The following FFAR1 variants were observed in gnomAD, a reference collection of about 807,000 sequenced individuals.
The protein encoded by FFAR1 is free fatty acid receptor 1.
For synonymous variants in FFAR1, 216 were observed against 201.5 expected (o/e 1.07, Z -0.61); for missense variants, 424 against 396.2 (o/e 1.07, Z -0.60).
upstream of FFAR1, chr19:35,351,488 C>G: frequency 6.7e-7 from 1 of 1,499,584 alleles, no homozygotes; most frequent in Non-Finnish European, 9.0e-7. Flanking sequence ...CTCCGGGGCC[C>G]CAAGATCTGA....
At chr19:35,349,058 C>G (rs545115656), upstream of FFAR1, among the ~76,000 whole-genome samples, 2 of 152,180 alleles carry the variant, frequency 1.3e-5, no homozygotes, top group East Asian at 3.8e-4. Context: ...GGACTCCAGA[C>G]GCAGGCCGCC....
At chr19:35,349,111 A>G (rs1568494855), upstream of FFAR1, among the ~76,000 whole-genome samples, 1 of 152,190 alleles carries the variant, frequency 6.6e-6, no homozygotes, top group Non-Finnish European at 1.5e-5. Context: ...GGTCCAGACA[A>G]TGGATCGTGC....
upstream of FFAR1, among the ~76,000 whole-genome samples, chr19:35,350,157 GTGCT>G (rs1214080062): frequency 6.6e-6 from 1 of 152,184 alleles, no homozygotes; most frequent in African/African-American, 2.4e-5. Context: ...GGGCCCTCCA[GTGCT>G]GGTCAGCAGA....
upstream of FFAR1, chr19:35,351,482 G>C: frequency 6.9e-7 from 1 of 1,452,306 alleles, no homozygotes; most frequent in Admixed American, 2.0e-5. Context: ...CCTCCTCTCC[G>C]GGGCCCCAAG....
rs780834782 is a variant in FFAR1, at chr19:35,351,696, G to C, written c.145G>C (p.Gly49Arg). Residue 49 changes from glycine (G) to arginine (R), a missense_variant, in exon 1 of 1, where the codon GGC (glycine) becomes CGC (arginine). Physicochemically the swap from Gly to Arg is moderately radical, Grantham distance 125 (BLOSUM62 -2). Transcript: ENST00000246553. ...TAGCCTGGTCTACGCCCTGAACCTGGGCTGCTCCGACCTGCTGCTGACAGT... is the reference window on the plus strand; with the variant it reads ...TAGCCTGGTCTACGCCCTGAACCTGCGCTGCTCCGACCTGCTGCTGACAGT... The C allele has an allele frequency of 9.0e-6, 14 of 1,563,912 alleles. No individual in the cohort carries two copies. The South Asian group carries it at 1.6e-4, about 18-fold the overall frequency.
chr19:35,348,089 A>G (rs563914680), upstream of FFAR1, among the ~76,000 whole-genome samples: 1 of 152,264 alleles, frequency 6.6e-6, no homozygotes, highest in African/African-American at 2.4e-5. Context: ...TAATTATCTG[A>G]TCATCAGGGA....
At chr19:35,350,563 G>A (rs1418738415), upstream of FFAR1, among the ~76,000 whole-genome samples, 1 of 152,138 alleles carries the variant, frequency 6.6e-6, no homozygotes, top group East Asian at 1.9e-4. Flanking sequence ...CTCTTGAGAG[G>A]CACTGGCTAC....
chr19:35,351,566 G>A (rs776224934), exon 1 of FFAR1: 37 of 1,540,542 alleles, frequency 2.4e-5, no homozygotes, highest in East Asian at 2.0e-4. Context: ...ACCTGCCCCC[G>A]CAGCTCTCCT....
At chr19:35,352,034 C>T (rs2066947319) in exon 1 of FFAR1, 1 of 1,614,054 alleles carries the variant, frequency 6.2e-7, no homozygotes, top group East Asian at 2.2e-5. Flanking sequence ...TGGGCATCAA[C>T]ACACCGGTCA....
rs780726156 is a variant in FFAR1 at position 35,351,787 on chromosome 19, GC to G, written c.240del (p.Val81SerfsTer20). Reference sequence around the variant, plus strand: ...GCCTGGCCTCTGCCGGCCTCGCTGTGCCCCGTCTTCGCGGTGGCCCACTTCT... The same window carrying G: ...GCCTGGCCTCTGCCGGCCTCGCTGTGCCCGTCTTCGCGGTGGCCCACTTCT... On this transcript the variant is annotated frameshift_variant, in exon 1 of 1. Coordinates refer to ENST00000246553, the Ensembl canonical transcript of FFAR1. LOFTEE classifies it low-confidence loss of function (END_TRUNC). The G allele has an allele frequency of 5.0e-6, 8 of 1,589,542 alleles. No individual in the cohort carries two copies. The South Asian group carries it at 9.0e-5, about 18-fold the overall frequency.
chr19:35,351,059 A>C (rs535754610), upstream of FFAR1, among the ~76,000 whole-genome samples: 29 of 151,104 alleles, frequency 1.9e-4, no homozygotes, highest in African/African-American at 6.8e-4. Flanking sequence ...CGGCTTTCCA[A>C]TGTGGGTGGG....
rs750325601 is a variant in FFAR1, at chr19:35,351,921, TG to T, written c.376del (p.Val126CysfsTer89). 1.2e-5 allele frequency: 20 copies of T among 1,613,980 alleles called. No individual in the cohort carries two copies. Among genetic ancestry groups the T allele is most frequent in the Non-Finnish European group, 1.5e-5 (18 of 1,179,996 alleles). ...AGCCTTCCGGAGGCCGTGCTATTCC[TG>T]GGGGGTGTGCGCGGCCATCTGGGCC... On this transcript the variant is annotated frameshift_variant, in exon 1 of 1. Coordinates refer to ENST00000246553, the Ensembl canonical transcript of FFAR1. LOFTEE classifies it low-confidence loss of function (END_TRUNC).
chr19:35,349,820 A>G (rs1245282111), upstream of FFAR1, among the ~76,000 whole-genome samples: 1 of 152,216 alleles, frequency 6.6e-6, no homozygotes. Context: ...ACAGACAGAC[A>G]GAAAGACACG....
At chr19:35,352,352 G>C (rs1332540923) in exon 1 of FFAR1, 1 of 1,552,548 alleles carries the variant, frequency 6.4e-7, no homozygotes, top group Non-Finnish European at 8.7e-7. Context: ...CGGGTGCCTG[G>C]AGTGTGGTGC....
upstream of FFAR1, among the ~76,000 whole-genome samples, chr19:35,350,643 C>A (rs924703104): frequency 6.6e-6 from 1 of 152,190 alleles, no homozygotes; most frequent in Non-Finnish European, 1.5e-5. Flanking sequence ...ATCTTCCCAG[C>A]CCCTCACCTC....
chr19:35,351,716 GAC>G lies in FFAR1; in HGVS notation c.167_168del (p.Thr56SerfsTer216). 1 of 1,565,622 alleles carries G rather than the reference GAC, an allele frequency of 6.4e-7. No individual in the cohort carries two copies. The highest frequency in any genetic ancestry group is 8.6e-7 in the Non-Finnish European group (1 of 1,158,108). Reference sequence around the variant, plus strand: ...ACCTGGGCTGCTCCGACCTGCTGCTGACAGTCTCTCTGCCCCTGAAGGCGGTG... The same window carrying G: ...ACCTGGGCTGCTCCGACCTGCTGCTGAGTCTCTCTGCCCCTGAAGGCGGTG... On this transcript the variant is annotated frameshift_variant, in exon 1 of 1. Coordinates refer to ENST00000246553, the Ensembl canonical transcript of FFAR1. LOFTEE classifies it low-confidence loss of function (END_TRUNC).
exon 1 of FFAR1, chr19:35,351,854 T>G (rs1242679603): frequency 1.2e-6 from 2 of 1,612,312 alleles, no homozygotes; most frequent in African/African-American, 1.3e-5. Context: ...CCGCCCTGAG[T>G]GCAGGCCGCT....
chr19:35,352,046 C>A (rs149494549), exon 1 of FFAR1: 2 of 1,613,740 alleles, frequency 1.2e-6, no homozygotes, highest in African/African-American at 2.7e-5. Flanking sequence ...CACCGGTCAA[C>A]GGCTCTCCGG....
chr19:35,350,004 GAGAA>G (rs1332071465), upstream of FFAR1, among the ~76,000 whole-genome samples: 1 of 152,188 alleles, frequency 6.6e-6, no homozygotes, highest in Non-Finnish European at 1.5e-5. Context: ...CCAGGGCTGA[GAGAA>G]GGAAGCTACG....
Sources: allele counts gnomAD v4.1 joint callset (sites outside exome capture counted in the v4.1 genomes callset), GRCh38; gene constraint gnomAD v4.1.1; transcripts MANE v1.5; gene names NCBI Gene and HGNC (gene_info 2026-07-23, HGNC 2026-07-21).